The following PEAK1 variants were observed in gnomAD, a reference collection of about 807,000 sequenced individuals.
The protein encoded by PEAK1 is pseudopodium enriched atypical kinase 1.
Under a neutral mutation model 124.7 loss-of-function variants are expected in PEAK1, and 54 were observed. The observed-to-expected ratio is 0.43, with a 90% CI of 0.35 to 0.54. The LOEUF is 0.54. Among genes scored for constraint, PEAK1 ranks in the 20% least tolerant of loss-of-function variants. The pLI, the probability that PEAK1 is intolerant of heterozygous loss-of-function variation, is 0.01. For missense variants in PEAK1, 2,046 were observed against 2,134.5 expected, an observed-to-expected ratio of 0.96 and a Z score of 0.82; for synonymous variants, 719 against 760.0, an observed-to-expected ratio of 0.95 and a Z score of 0.89.
chr15:77,374,258 G>A (rs2068843535), intron 1 of PEAK1, among the ~76,000 whole-genome samples: 1 of 152,110 alleles, frequency 6.6e-6, no homozygotes, highest in Non-Finnish European at 1.5e-5. Context: ...TAAATGGCAT[G>A]TCTAATTACA....
chr15:77,266,788 C>A (rs1175504301), intron 5 of PEAK1, among the ~76,000 whole-genome samples: 2 of 152,168 alleles, frequency 1.3e-5, no homozygotes, highest in African/African-American at 4.8e-5. Flanking sequence ...TCTGCTCCAA[C>A]AACTACCACA....
intron 1 of PEAK1, among the ~76,000 whole-genome samples, chr15:77,383,134 C>T (rs1197160344): frequency 6.6e-6 from 1 of 151,622 alleles, no homozygotes; most frequent in Non-Finnish European, 1.5e-5. Flanking sequence ...AGCAAGTCTC[C>T]TTTCTCAGCC....
rs749000554 is a variant in PEAK1, at chr15:77,298,197, A to ATTTTTTTTTTTTTTTTTTT, written c.-602-11712_-602-11694dup. Among the ~76,000 whole-genome samples the ATTTTTTTTTTTTTTTTTTT allele has an allele frequency of 3.7e-4, 14 of 37,822 alleles. 4 individuals are homozygous for ATTTTTTTTTTTTTTTTTTT. The highest frequency in any genetic ancestry group is 1.1e-3 in the African/African-American group (8 of 7,414). The allele number at this position is 37,822 out of a possible 152,430, so 24.8% of individuals were successfully genotyped here. On this transcript the variant is annotated intron_variant, in intron 2 of 9. Coordinates refer to ENST00000682557, the MANE Select transcript of PEAK1 (RefSeq NM_001385026.1). ...TAGCTTCTTTTGTTTGGTATCCTTA[A>ATTTTTTTTTTTTTTTTTTT]TTTTTTTTTTTTTTTTTTTTTTTTT... is the stretch of plus-strand genomic sequence containing the variant.
intron 8 of PEAK1, among the ~76,000 whole-genome samples, chr15:77,135,272 T>C (rs2053217336): frequency 6.6e-6 from 1 of 152,190 alleles, no homozygotes; most frequent in Non-Finnish European, 1.5e-5. Flanking sequence ...TGACAATGAA[T>C]AGGGGTGGTG....
At chr15:77,251,752 T>C (rs1275258877) in intron 6 of PEAK1, among the ~76,000 whole-genome samples, 1 of 150,768 alleles carries the variant, frequency 6.6e-6, no homozygotes, top group Non-Finnish European at 1.5e-5. Context: ...GCCATGTGAA[T>C]GTACTGTTGC....
chr15:77,311,699 A>G (rs1296169110), intron 2 of PEAK1, among the ~76,000 whole-genome samples: 11 of 150,942 alleles, frequency 7.3e-5, no homozygotes, highest in African/African-American at 2.5e-4. Context: ...AAAAAAAAAA[A>G]AAAAAAAGAA....
intron 6 of PEAK1, among the ~76,000 whole-genome samples, chr15:77,211,530 T>C (rs955914155): frequency 6.6e-5 from 10 of 152,136 alleles, no homozygotes; most frequent in Non-Finnish European, 1.3e-4. Flanking sequence ...TAATGACTTA[T>C]GACTGCTATA....
At chr15:77,360,871 T>C (rs2067843796) in intron 2 of PEAK1, among the ~76,000 whole-genome samples, 1 of 152,004 alleles carries the variant, frequency 6.6e-6, no homozygotes, top group Non-Finnish European at 1.5e-5. Flanking sequence ...TCTCACCCTA[T>C]ACAAAAATCA....
At chr15:77,186,661 C>T (rs2057565360) in intron 6 of PEAK1, among the ~76,000 whole-genome samples, 1 of 152,034 alleles carries the variant, frequency 6.6e-6, no homozygotes, top group Admixed American at 6.5e-5. Context: ...AGACATGAAC[C>T]AGGCAAACAC....
At chr15:77,311,871 A>G (rs2064488697) in intron 2 of PEAK1, among the ~76,000 whole-genome samples, 2 of 152,026 alleles carry the variant, frequency 1.3e-5, no homozygotes. Flanking sequence ...TTTGAACTTT[A>G]CACTAGAGAC....
chr15:77,114,653 T>C lies in PEAK1; in HGVS notation c.4744A>G (p.Ile1582Val), dbSNP rs370751529. Reference sequence around the variant, plus strand: ...CACTTTTTATACTGGGTAGCTGTTATGATCTCTGGGGCAAGGCGAGACTGG... The same window carrying C: ...CACTTTTTATACTGGGTAGCTGTTACGATCTCTGGGGCAAGGCGAGACTGG... The part of the protein sequence containing the change: ...RDQSRLAPEI[I>V]TATQYKKCDE... The change falls in exon 10 of 10, where the codon ATA becomes GTA. Residue 1582 changes from isoleucine (I) to valine (V), a missense_variant. By Grantham distance (29) the Ile-to-Val change is conservative. Coordinates refer to ENST00000682557, the MANE Select transcript of PEAK1 (RefSeq NM_001385026.1). 2 of 1,613,762 alleles carry C rather than the reference T, an allele frequency of 1.2e-6. No individual in the cohort carries two copies. The highest frequency in any genetic ancestry group is 1.7e-6 in the Non-Finnish European group (2 of 1,179,988).
At chr15:77,400,617 G>A (rs991551993) in intron 1 of PEAK1, among the ~76,000 whole-genome samples, 2 of 152,012 alleles carry the variant, frequency 1.3e-5, no homozygotes, top group South Asian at 2.1e-4. Flanking sequence ...TAAAACAATT[G>A]AACTCATGGG....
chr15:77,129,778 G>C lies in PEAK1; in HGVS notation c.4077+3227C>G, dbSNP rs2052701516. 2.6e-5 allele frequency among the ~76,000 whole-genome samples: 4 copies of C among 152,112 alleles called. No individual in the cohort carries two copies. The South Asian group carries it at 8.3e-4, about 32-fold the overall frequency. The stretch of plus-strand genomic sequence containing the variant: ...GACTTTTTGTTTGCAACATTTTAAA[G>C]AACTTTTAGTCTCTTTAAGAGACAG... On this transcript the variant is annotated intron_variant, in intron 9 of 9. Transcript: ENST00000682557.
At chr15:77,242,400 T>C (rs1346672752) in intron 6 of PEAK1, among the ~76,000 whole-genome samples, 1 of 152,110 alleles carries the variant, frequency 6.6e-6, no homozygotes, top group Non-Finnish European at 1.5e-5. Context: ...CTATTTGGTC[T>C]CATTAAATTA....
At chr15:77,234,449 A>G (rs2060030067) in intron 6 of PEAK1, among the ~76,000 whole-genome samples, 2 of 152,160 alleles carry the variant, frequency 1.3e-5, no homozygotes, top group Non-Finnish European at 2.9e-5. Flanking sequence ...ATTTAAGCAA[A>G]TAATTTAATT....
At chr15:77,320,566 C>T (rs188484683) in intron 2 of PEAK1, among the ~76,000 whole-genome samples, 65 of 152,244 alleles carry the variant, frequency 4.3e-4, no homozygotes, top group African/African-American at 1.5e-3. Context: ...CATTGTTTTT[C>T]GTATCTGGGA....
chr15:77,275,202 A>G (rs1365109930), intron 5 of PEAK1, among the ~76,000 whole-genome samples: 1 of 152,196 alleles, frequency 6.6e-6, no homozygotes, highest in Non-Finnish European at 1.5e-5. Flanking sequence ...AAGACTACAC[A>G]TTGGGTACAG....
At chr15:77,358,313 G>T (rs1267078982) in intron 2 of PEAK1, among the ~76,000 whole-genome samples, 1 of 152,118 alleles carries the variant, frequency 6.6e-6, no homozygotes, top group South Asian at 2.1e-4. Context: ...TCTGTTCACA[G>T]TTAAACTTCT....
intron 6 of PEAK1, among the ~76,000 whole-genome samples, chr15:77,205,529 A>C (rs974576639): frequency 1.3e-5 from 2 of 152,198 alleles, no homozygotes; most frequent in African/African-American, 4.8e-5. Flanking sequence ...TTATAGCAGA[A>C]TTGATTCCTA....
Sources: gnomAD v4.1 joint callset for allele counts (sites outside exome capture counted in the v4.1 genomes callset) on GRCh38, gnomAD v4.1.1 for gene constraint, MANE v1.5 for transcripts, NCBI Gene and HGNC (gene_info 2026-07-23, HGNC 2026-07-21) for gene names.